GAREM2: variants seen among roughly 807,000 people sequenced by gnomAD.
GAREM2 encodes GRB2-associated and regulator of MAPK protein 2.
A neutral mutation model predicts 55.6 loss-of-function variants in GAREM2; 30 were observed. The observed-to-expected ratio is 0.54, with a 90% CI of 0.40 to 0.73. The LOEUF is 0.73. Among genes scored for constraint, GAREM2 ranks in the 30% least tolerant of loss-of-function variants. GAREM2 has a pLI of 0.00. For synonymous variants in GAREM2, 550 were observed against 569.1 expected (o/e 0.97, Z 0.48); for missense variants, 1,075 against 1,257.7 (o/e 0.85, Z 2.20).
chr2:26,191,739 G>A (rs572555864), downstream of GAREM2: 60 of 1,062,194 alleles, frequency 5.6e-5, no homozygotes, highest in Admixed American at 7.7e-4. Context: ...TCTGTGGGCC[G>A]GTTGGTGCTG....
chr2:26,201,492 C>A, the GAREM2 span, among the ~76,000 whole-genome samples: 3 of 152,172 alleles, frequency 2.0e-5, no homozygotes, highest in African/African-American at 7.2e-5. Flanking sequence ...GACCTGTGGT[C>A]AAATAGCTTG....
intron 1 of GAREM2, among the ~76,000 whole-genome samples, chr2:26,173,783 T>A (rs1668775224): frequency 6.6e-6 from 1 of 152,172 alleles, no homozygotes. Flanking sequence ...TCCGCCCCTC[T>A]GGGGACCCTT....
At chr2:26,201,287 T>C in the GAREM2 span, 5 of 1,611,734 alleles carry the variant, frequency 3.1e-6, no homozygotes, top group Non-Finnish European at 4.2e-6. Context: ...TTTCAAATGA[T>C]GTTAGAGCTT....
the GAREM2 span, among the ~76,000 whole-genome samples, chr2:26,195,598 G>T: frequency 6.6e-6 from 1 of 151,352 alleles, no homozygotes; most frequent in East Asian, 1.9e-4. Flanking sequence ...GTTTTTTTGG[G>T]CGGGGGTGGG....
intron 1 of GAREM2, among the ~76,000 whole-genome samples, chr2:26,175,355 C>T (rs1045100218): frequency 2.0e-5 from 3 of 152,166 alleles, no homozygotes; most frequent in Non-Finnish European, 4.4e-5. Context: ...CTCCCAACTC[C>T]CAACACCTCT....
chr2:26,184,887 T>C lies in GAREM2; in HGVS notation c.1039T>C (p.Tyr347His). 1 of 1,459,230 alleles carries C rather than the reference T, an allele frequency of 6.9e-7. No individual in the cohort carries two copies. The highest frequency in any genetic ancestry group is 2.7e-5 in the Admixed American group (1 of 37,516). The allele number at this position is 1,459,230 out of a possible 1,614,324, so 90.4% of individuals were successfully genotyped here. A position where few individuals can be genotyped will look rare whatever the true frequency, so the allele number is the denominator to read the frequency against. ...GCGCCTGGTGCGCGACAGCGCCTCC[T>C]ACTGCCGCGAGCGCTTCGACCCCGA... Reference protein sequence around the residue: ...VERLVRDSASYCRERFDPDEY... With the variant: ...VERLVRDSASHCRERFDPDEY... The change falls in exon 4 of 6, where the codon TAC becomes CAC. Residue 347 changes from tyrosine to histidine, a missense_variant. This residue lies in a region of GAREM2 where 170 missense variants were observed against 220.7 expected (regional missense o/e 0.77). Coordinates refer to ENST00000401533, the MANE Select transcript of GAREM2 (RefSeq NM_001168241.2).
intron 3 of GAREM2, 27 bp from the exon 4 acceptor site, chr2:26,184,206 G>T (rs1440305193): frequency 1.3e-6 from 2 of 1,547,318 alleles, no homozygotes; most frequent in Non-Finnish European, 1.7e-6. Context: ...CCTGGCTAAG[G>T]CCCTGCCCTG....
At chr2:26,191,662 G>A (rs1206830666), downstream of GAREM2, 3 of 1,611,796 alleles carry the variant, frequency 1.9e-6, no homozygotes, top group South Asian at 3.3e-5. Context: ...GGTAGAAGAA[G>A]AGGAAAAGGG....
rs1262725521 is a variant in GAREM2 at position 26,186,219 on chromosome 2, C to T, written c.1459C>T (p.Pro487Ser). ...GGAGGAGTGCCGCCTGCTCAATGCC[C>T]CTCCAGTGCCTCCCCGGGGTGGCAA... is the stretch of plus-strand genomic sequence containing the variant. ...VKEECRLLNA[P>S]PVPPRGGNGS... The change falls in exon 5 of 6, where the codon CCT becomes TCT. Residue 487 changes from proline (P) to serine (S), a missense_variant. Coordinates refer to ENST00000401533, the MANE Select transcript of GAREM2 (RefSeq NM_001168241.2). 1 of 1,539,352 alleles carries T rather than the reference C, an allele frequency of 6.5e-7. No homozygotes were observed. The highest frequency in any genetic ancestry group is 2.5e-5 in the East Asian group (1 of 40,648).
Position 26,179,845 on chromosome 2 carries a change from C to G in GAREM2, c.254-3122C>G, listed in dbSNP as rs1476606056. Among the ~76,000 whole-genome samples the G allele has an allele frequency of 6.6e-6, 1 of 152,144 alleles. No individual in the cohort carries two copies. Among genetic ancestry groups the G allele is most frequent in the Non-Finnish European group, 1.5e-5 (1 of 68,014 alleles). On this transcript the variant is annotated intron_variant, in intron 2 of 5. Transcript: ENST00000401533. This position sits in a 1 kb window ranked among gnomAD's most constrained non-coding sequence, Gnocchi z 4.7. ...CTGCCACATCCTCCCCCAGCTCCAG[C>G]CCTGACTTGGCTCCAAGTCGCCCCA...
chr2:26,190,009 C>T (rs1366799481), downstream of GAREM2, among the ~76,000 whole-genome samples: 2 of 152,258 alleles, frequency 1.3e-5, no homozygotes, highest in Admixed American at 1.3e-4. Context: ...TTCAGGCTCT[C>T]TCAGACCAAA....
At position 26,185,253 on chromosome 2, in the gene GAREM2, C is replaced by G; in HGVS notation, c.1405C>G (p.Pro469Ala). ...PRREPEAPPP[P>A]VPPKSEAVKE... Reference sequence around the variant, plus strand: ...TCGGGAGCCGGAAGCGCCGCCGCCTCCAGTCCCTCCCAAATCCGAGGCGGT... The same window carrying G: ...TCGGGAGCCGGAAGCGCCGCCGCCTGCAGTCCCTCCCAAATCCGAGGCGGT... The change falls in exon 4 of 6, where the codon CCA (proline) becomes GCA (alanine). Residue 469 changes from proline (P) to alanine (A), a missense_variant. Transcript: ENST00000401533. The G allele has an allele frequency of 2.0e-6, 3 of 1,520,976 alleles. No homozygotes were observed. The South Asian group carries it at 3.6e-5, about 18-fold the overall frequency. 94.2% of individuals were successfully genotyped at this position (1,520,976 alleles called of 1,614,324 possible).
At chr2:26,178,155 A>T (rs1205206386) in intron 2 of GAREM2, among the ~76,000 whole-genome samples, 1 of 152,114 alleles carries the variant, frequency 6.6e-6, no homozygotes, top group Non-Finnish European at 1.5e-5. Flanking sequence ...GTGGAAACTC[A>T]CTCAGATTTC....
In GAREM2 at chr2:26,185,175, C is replaced by T. The variant is rs754572241; in HGVS notation, c.1327C>T (p.Arg443Trp). 52 of 1,508,124 alleles carry T rather than the reference C, an allele frequency of 3.4e-5. No individual in the cohort carries two copies. Among genetic ancestry groups the T allele is most frequent in the Non-Finnish European group, 4.6e-5 (52 of 1,135,774 alleles). The allele number at this position is 1,508,124 out of a possible 1,614,324, so 93.4% of individuals were successfully genotyped here. A position where few individuals can be genotyped will look rare whatever the true frequency, so the allele number is the denominator to read the frequency against. The change falls in exon 4 of 6, where the codon CGG becomes TGG. Residue 443 changes from arginine (R) to tryptophan (W), a missense_variant. Around this residue, in one of 6 missense-constraint regions of GAREM2, gnomAD observed 515 missense variants for 501.5 expected, o/e 1.03. Transcript: ENST00000401533. ...WAHQGPEGLV[R>W]PPPGLDLISF... ...GCACCAGGGGCCCGAGGGCCTCGTCCGGCCGCCCCCAGGGCTCGATCTCAT... is the reference window on the plus strand; with the variant it reads ...GCACCAGGGGCCCGAGGGCCTCGTCTGGCCGCCCCCAGGGCTCGATCTCAT...
downstream of GAREM2, chr2:26,192,233 AAT>A: frequency 3.8e-6 from 3 of 788,802 alleles, no homozygotes; most frequent in Admixed American, 1.9e-5. Context: ...AAAAAAAAAA[AAT>A]GGAAGAGGGG....
the GAREM2 span, chr2:26,197,882 C>G: frequency 6.7e-6 from 5 of 750,156 alleles, no homozygotes; most frequent in Admixed American, 1.8e-5. Context: ...ACTCTGTCCC[C>G]CACAACTGCT....
downstream of GAREM2, chr2:26,194,614 T>C (rs1574603062): frequency 6.2e-7 from 1 of 1,611,950 alleles, no homozygotes; most frequent in Admixed American, 1.7e-5. Flanking sequence ...GCAAGACACC[T>C]GGTAGTATAG....
chr2:26,202,304 C>T, the GAREM2 span, among the ~76,000 whole-genome samples: 1 of 152,202 alleles, frequency 6.6e-6, no homozygotes, highest in East Asian at 1.9e-4. Flanking sequence ...AACAGGTTCT[C>T]TTAGATTCCG....
intron 1 of GAREM2, among the ~76,000 whole-genome samples, chr2:26,174,767 G>A (rs1668807763): frequency 6.6e-6 from 1 of 152,228 alleles, no homozygotes; most frequent in African/African-American, 2.4e-5. Context: ...CTGTGTGCCT[G>A]TGCATTTGGG....
Sources: allele counts gnomAD v4.1 joint callset (sites outside exome capture counted in the v4.1 genomes callset), GRCh38; gene constraint gnomAD v4.1.1; regional missense constraint gnomAD v4.1.1; non-coding constraint Gnocchi (gnomAD v3.1); transcripts MANE v1.5; gene names NCBI Gene and HGNC (gene_info 2026-07-23, HGNC 2026-07-21).